Variants in UNC5C observed in about 807,000 individuals in gnomAD.
UNC5C encodes the protein unc-5 netrin receptor C.
UNC5C carries 47 observed loss-of-function variants against 99.8 expected under a neutral mutation model. The ratio of observed to expected loss-of-function variants is 0.47; its 90% confidence interval spans 0.37 to 0.60. UNC5C has a LOEUF of 0.60. Among genes scored for constraint, UNC5C ranks in the 20% least tolerant of loss-of-function variants. The pLI is 0.00. For synonymous variants in UNC5C, 487 were observed against 452.2 expected (o/e 1.08, Z -0.98); for missense variants, 1,062 against 1,165.9 (o/e 0.91, Z 1.30).
At chr4:95,199,883 G>A (rs1460891693) in intron 12 of UNC5C, among the ~76,000 whole-genome samples, 1 of 152,126 alleles carries the variant, frequency 6.6e-6, no homozygotes, top group Non-Finnish European at 1.5e-5. Flanking sequence ...ACAGTGCTTT[G>A]GATGTATCAC....
chr4:95,332,574 GA>G (rs1743159417), intron 2 of UNC5C, among the ~76,000 whole-genome samples: 3 of 151,966 alleles, frequency 2.0e-5, no homozygotes, highest in South Asian at 2.1e-4. Flanking sequence ...ATTCATTCAA[GA>G]TGGATTAAAG....
At chr4:95,451,737 T>C (rs890961440) in intron 1 of UNC5C, among the ~76,000 whole-genome samples, 1 of 152,184 alleles carries the variant, frequency 6.6e-6, no homozygotes, top group Non-Finnish European at 1.5e-5. Flanking sequence ...CAACTATATT[T>C]TTCAAGAAAG....
intron 4 of UNC5C, among the ~76,000 whole-genome samples, chr4:95,251,771 C>G (rs1339804305): frequency 1.3e-5 from 2 of 152,156 alleles, no homozygotes; most frequent in Non-Finnish European, 2.9e-5. Flanking sequence ...AAATTAATCT[C>G]TAAATCTGTC....
At chr4:95,267,340 T>C (rs1740486391) in intron 4 of UNC5C, among the ~76,000 whole-genome samples, 1 of 152,192 alleles carries the variant, frequency 6.6e-6, no homozygotes, top group African/African-American at 2.4e-5. Context: ...ATATATTTAA[T>C]GTATTTTCTG....
chr4:95,425,034 A>G (rs1746438470), intron 1 of UNC5C, among the ~76,000 whole-genome samples: 1 of 152,174 alleles, frequency 6.6e-6, no homozygotes, highest in East Asian at 1.9e-4. Flanking sequence ...CATTTCAAAA[A>G]TGTCTAAAGT....
At chr4:95,447,565 A>G (rs1377885629) in intron 1 of UNC5C, among the ~76,000 whole-genome samples, 1 of 151,980 alleles carries the variant, frequency 6.6e-6, no homozygotes, top group Non-Finnish European at 1.5e-5. Context: ...CAGTGGCGCA[A>G]TCTCGGCTTA....
chr4:95,406,432 T>A (rs1364168075), intron 1 of UNC5C, among the ~76,000 whole-genome samples: 3 of 152,186 alleles, frequency 2.0e-5, no homozygotes, highest in African/African-American at 7.2e-5. Flanking sequence ...GACCTTGACA[T>A]CATCTGAAAA....
At chr4:95,438,255 C>A (rs552706856) in intron 1 of UNC5C, among the ~76,000 whole-genome samples, 5 of 152,092 alleles carry the variant, frequency 3.3e-5, no homozygotes, top group Admixed American at 3.3e-4. Context: ...ATGACCATGT[C>A]AAAGTACTAC....
chr4:95,529,438 G>C (rs992701506), intron 1 of UNC5C, among the ~76,000 whole-genome samples: 12 of 150,562 alleles, frequency 8.0e-5, no homozygotes, highest in Middle Eastern at 3.2e-3. Context: ...ATAAATTTTA[G>C]AATACCAGCC....
At chr4:95,425,060 C>A (rs1486909732) in intron 1 of UNC5C, among the ~76,000 whole-genome samples, 1 of 152,054 alleles carries the variant, frequency 6.6e-6, no homozygotes, top group Non-Finnish European at 1.5e-5. Flanking sequence ...TTAGGCATTT[C>A]AATGTTACTT....
rs546177278 is a variant in UNC5C, at chr4:95,176,639, C to G, written c.2451+6258G>C. 2.3e-4 allele frequency among the ~76,000 whole-genome samples: 35 copies of G among 152,314 alleles called. No homozygotes were observed. The South Asian group carries it at 6.4e-3, about 28-fold the overall frequency. On this transcript the variant is annotated intron_variant, in intron 14 of 15. Transcript: ENST00000453304. ...TGCGTGCTGGGAGAACCACTGCTCT[C>G]TTCAAAGCTGTCTGACAGGGACATT...
intron 14 of UNC5C, among the ~76,000 whole-genome samples, chr4:95,182,298 C>T (rs1736642273): frequency 6.6e-6 from 1 of 152,150 alleles, no homozygotes; most frequent in African/African-American, 2.4e-5. Context: ...GATTCTACTT[C>T]TATTTGTGGC....
intron 11 of UNC5C, among the ~76,000 whole-genome samples, chr4:95,205,243 G>A (rs925333436): frequency 2.0e-5 from 3 of 152,164 alleles, no homozygotes; most frequent in African/African-American, 7.2e-5. Context: ...ACCCAGAAAT[G>A]GATAGGGTAA....
chr4:95,504,623 AAC>A (rs1673780080), intron 1 of UNC5C, among the ~76,000 whole-genome samples: 1 of 152,068 alleles, frequency 6.6e-6, no homozygotes, highest in African/African-American at 2.4e-5. Context: ...ATTGGAGAAA[AAC>A]ACACGTCACT....
chr4:95,396,544 A>C (rs962919736), intron 1 of UNC5C, among the ~76,000 whole-genome samples: 1 of 152,140 alleles, frequency 6.6e-6, no homozygotes, highest in East Asian at 1.9e-4. Flanking sequence ...CTTCAAGCCA[A>C]AGGACAGTTT....
intron 1 of UNC5C, among the ~76,000 whole-genome samples, chr4:95,457,779 AC>A (rs1560840149): frequency 6.6e-6 from 1 of 152,168 alleles, no homozygotes; most frequent in African/African-American, 2.4e-5. Flanking sequence ...TTAAGGACTT[AC>A]AGCAAGAAAA....
intron 14 of UNC5C, among the ~76,000 whole-genome samples, chr4:95,172,800 G>A (rs1736177550): frequency 6.6e-6 from 1 of 152,062 alleles, no homozygotes; most frequent in African/African-American, 2.4e-5. Context: ...GCTTGATGGG[G>A]ATGGCATTGA....
intron 14 of UNC5C, 40 bp downstream of exon 14, chr4:95,182,857 C>A (rs574853753): frequency 1.3e-6 from 2 of 1,585,466 alleles, no homozygotes; most frequent in Non-Finnish European, 1.7e-6. Context: ...TCCTGAGTGT[C>A]GCACTCTCCC....
intron 2 of UNC5C, among the ~76,000 whole-genome samples, chr4:95,320,828 A>G (rs776063697): frequency 6.6e-6 from 1 of 152,230 alleles, no homozygotes; most frequent in Non-Finnish European, 1.5e-5. Context: ...CATATTCTTG[A>G]TTAAATTGTA....
Sources: allele counts gnomAD v4.1 joint callset (sites outside exome capture counted in the v4.1 genomes callset), GRCh38; gene constraint gnomAD v4.1.1; transcripts MANE v1.5; gene names NCBI Gene and HGNC (gene_info 2026-07-23, HGNC 2026-07-21).